Variants in TTC39A observed in about 807,000 individuals in gnomAD.
The protein encoded by TTC39A is tetratricopeptide repeat domain 39A.
TTC39A carries 46 observed loss-of-function variants against 82.3 expected under a neutral mutation model. That is an observed-to-expected ratio of 0.56 (90% CI 0.44 to 0.71). TTC39A has a LOEUF of 0.71. TTC39A is among the 30% of genes least tolerant of loss of function. The pLI is 0.00. For missense variants in TTC39A, 543 were observed against 712.9 expected (o/e 0.76, Z 2.71); for synonymous variants, 254 against 275.2 (o/e 0.92, Z 0.76).
At chr1:51,341,824 C>T (rs2148323945) in intron 1 of TTC39A, among the ~76,000 whole-genome samples, 1 of 152,318 alleles carries the variant, frequency 6.6e-6, no homozygotes, top group Non-Finnish European at 1.5e-5. Context: ...GCCTCAAGTC[C>T]AAATTCATTC....
intron 1 of TTC39A, among the ~76,000 whole-genome samples, chr1:51,337,072 C>A (rs1306711061): frequency 6.6e-6 from 1 of 152,186 alleles, no homozygotes; most frequent in Non-Finnish European, 1.5e-5. Flanking sequence ...CAGCACCAGG[C>A]CCATTTGACA....
chr1:51,298,890 A>C (rs1469556408), intron 12 of TTC39A: 1 of 152,282 alleles, frequency 6.6e-6, no homozygotes, highest in Non-Finnish European at 1.5e-5. Flanking sequence ...AGCCCTGAGC[A>C]CGCCACTGTC....
chr1:51,310,904 C>T lies in TTC39A; in HGVS notation c.423+350G>A, dbSNP rs1645057022. Reference sequence around the variant, plus strand: ...ACCGTGTGCAAAAAGTCTGGTACATCATAGGTGCTACAATGCTTGTTGAAC... The same window carrying T: ...ACCGTGTGCAAAAAGTCTGGTACATTATAGGTGCTACAATGCTTGTTGAAC... On this transcript the variant is annotated intron_variant, in intron 5 of 17. Transcript: ENST00000680483. Among the ~76,000 whole-genome samples, 2 of 152,242 alleles carry T rather than the reference C, an allele frequency of 1.3e-5. 1 individual carries two copies. The highest frequency in any genetic ancestry group is 4.1e-4 in the South Asian group (2 of 4,832).
intron 12 of TTC39A, chr1:51,298,217 C>T (rs561931843): frequency 6.6e-6 from 1 of 152,444 alleles, no homozygotes; most frequent in East Asian, 1.9e-4. Flanking sequence ...GCTTGTATTT[C>T]CTGCCTTAGA....
At chr1:51,312,985 C>T (rs1271141089) in intron 2 of TTC39A, 42 bp from the exon 3 acceptor site, 4 of 1,592,322 alleles carry the variant, frequency 2.5e-6, no homozygotes, top group Admixed American at 1.7e-5. Flanking sequence ...CCTTATAGAG[C>T]CCCAGAGGCA....
intron 2 of TTC39A, among the ~76,000 whole-genome samples, chr1:51,315,511 AGCCC>A (rs1645250497): frequency 1.3e-5 from 2 of 152,198 alleles, no homozygotes; most frequent in Non-Finnish European, 2.9e-5. Context: ...AGGCAGAGGC[AGCCC>A]CTTGGCCTCT....
At position 51,312,268 on chromosome 1, in the gene TTC39A, C is replaced by T. The variant is rs563759159; in HGVS notation, c.279-73G>A. The T allele has an allele frequency of 3.7e-6, 5 of 1,350,916 alleles. No individual in the cohort carries two copies. In the African/African-American group the frequency reaches 4.4e-5, roughly 12 times the overall value. 83.7% of individuals were successfully genotyped at this position (1,350,916 alleles called of 1,614,324 possible). A position where few individuals can be genotyped will look rare whatever the true frequency, so the allele number is the denominator to read the frequency against. On this transcript the variant is annotated intron_variant, in intron 3 of 17. Coordinates refer to ENST00000680483, the MANE Select transcript of TTC39A (RefSeq NM_001297663.2). Reference sequence around the variant, plus strand: ...CACTTGTCTCTGCCCCTCTCTGCTACACCCTAGAACATTCCTAAAGAGACA... The same window carrying T: ...CACTTGTCTCTGCCCCTCTCTGCTATACCCTAGAACATTCCTAAAGAGACA...
intron 2 of TTC39A, among the ~76,000 whole-genome samples, chr1:51,313,509 GC>G (rs1238760883): frequency 2.0e-5 from 3 of 152,140 alleles, no homozygotes; most frequent in African/African-American, 7.2e-5. Flanking sequence ...AGGAGATCCT[GC>G]CGGGGCTAAA....
intron 1 of TTC39A, among the ~76,000 whole-genome samples, chr1:51,328,615 A>G (rs1645800387): frequency 6.6e-6 from 1 of 152,206 alleles, no homozygotes; most frequent in African/African-American, 2.4e-5. Flanking sequence ...AATTCTGGAG[A>G]GGGAAGGAGG....
At chr1:51,302,989 A>T in intron 9 of TTC39A, 95 bp downstream of exon 9, 1 of 1,149,924 alleles carries the variant, frequency 8.7e-7, no homozygotes, top group South Asian at 1.5e-5. Flanking sequence ...CCCTATCCCT[A>T]GCCACAGGGC....
intron 6 of TTC39A, among the ~76,000 whole-genome samples, chr1:51,306,865 C>CG (rs1644890453): frequency 9.4e-6 from 1 of 106,892 alleles, no homozygotes; most frequent in African/African-American, 3.5e-5. Context: ...CCCCCCCCCC[C>CG]GCCCCCCGAT....
intron 12 of TTC39A, chr1:51,298,175 C>T (rs1056489239): frequency 1.3e-5 from 2 of 152,416 alleles, no homozygotes; most frequent in African/African-American, 4.8e-5. Context: ...CCCACTAGGA[C>T]GTGAGCCTTG....
upstream of TTC39A, among the ~76,000 whole-genome samples, chr1:51,333,448 C>T (rs1355023670): frequency 2.0e-5 from 3 of 152,238 alleles, no homozygotes; most frequent in Non-Finnish European, 2.9e-5. Flanking sequence ...TCTCCCAGAG[C>T]CTTGGCAGGG....
At chr1:51,332,738 T>G (rs1645928931), upstream of TTC39A, among the ~76,000 whole-genome samples, 1 of 152,182 alleles carries the variant, frequency 6.6e-6, no homozygotes, top group Admixed American at 6.5e-5. Context: ...TACTTATGTG[T>G]GAATAAGGGT....
chr1:51,289,638 G>A (rs1190083108), intron 16 of TTC39A, among the ~76,000 whole-genome samples: 12 of 152,232 alleles, frequency 7.9e-5, no homozygotes, highest in African/African-American at 2.2e-4. Context: ...TGTCCTCTCC[G>A]CTTTCCTTTA....
rs2148323286 is a variant in TTC39A, at chr1:51,341,096, A to T, written c.53+3895T>A. ...TGAGGCAGGAGAACCTGGAAGGTGGAGGTTGCAGTGAGCCGAGATCGCACC... is the reference window on the plus strand; with the variant it reads ...TGAGGCAGGAGAACCTGGAAGGTGGTGGTTGCAGTGAGCCGAGATCGCACC... On this transcript the variant is annotated intron_variant, in intron 1 of 5. Coordinates refer to the TTC39A transcript ENST00000401051. Among the ~76,000 whole-genome samples the T allele has an allele frequency of 2.0e-5, 3 of 151,566 alleles. 1 individual carries two copies. In the South Asian group the frequency reaches 6.4e-4, roughly 32 times the overall value.
chr1:51,290,187 CCTA>C, intron 15 of TTC39A, 68 bp from the exon 16 acceptor site: 1 of 1,452,434 alleles, frequency 6.9e-7, no homozygotes, highest in Non-Finnish European at 9.5e-7. Flanking sequence ...TATGGAGCCC[CCTA>C]CTTTGTGCTA....
At chr1:51,309,534 T>G (rs1462312808) in intron 5 of TTC39A, 2 of 1,242,752 alleles carry the variant, frequency 1.6e-6, no homozygotes, top group Non-Finnish European at 2.1e-6. Flanking sequence ...CAGGTACACA[T>G]ACTCTGTGCT....
chr1:51,334,142 T>C (rs1450038762), upstream of TTC39A, among the ~76,000 whole-genome samples: 1 of 142,880 alleles, frequency 7.0e-6, no homozygotes, highest in African/African-American at 2.6e-5. Flanking sequence ...GTGGATTGCA[T>C]GAGCCCAGGA....
Sources: allele counts gnomAD v4.1 joint callset (sites outside exome capture counted in the v4.1 genomes callset), GRCh38; gene constraint gnomAD v4.1.1; transcripts MANE v1.5; gene names NCBI Gene and HGNC (gene_info 2026-07-23, HGNC 2026-07-21).